The following SNX7 variants were observed in gnomAD, a reference collection of about 807,000 sequenced individuals.
SNX7 encodes the protein sorting nexin 7.
SNX7 carries 35 observed loss-of-function variants against 48.4 expected under a neutral mutation model. That is an observed-to-expected ratio of 0.72 (90% CI 0.55 to 0.96). The LOEUF (loss-of-function observed/expected upper bound fraction) is 0.96. Among genes scored for constraint, SNX7 ranks in the 40% least tolerant of loss-of-function variants. The probability of loss-of-function intolerance (pLI) is 0.00; values close to 1 mark genes in which losing one functional copy is unlikely to be tolerated. For synonymous variants in SNX7, 190 were observed against 190.2 expected (o/e 1.00, Z 0.01); for missense variants, 553 against 548.9 (o/e 1.01, Z -0.07).
intron 1 of SNX7, among the ~76,000 whole-genome samples, chr1:98,675,371 A>G (rs777733995): frequency 3.3e-5 from 5 of 152,160 alleles, no homozygotes; most frequent in South Asian, 4.1e-4. Flanking sequence ...GATTCATAGT[A>G]ATTTAAATCC....
At chr1:98,755,236 G>A (rs960645157) in intron 8 of SNX7, among the ~76,000 whole-genome samples, 2 of 151,970 alleles carry the variant, frequency 1.3e-5, no homozygotes, top group South Asian at 2.1e-4. Flanking sequence ...ATCCATATTG[G>A]TAAATGTTTT....
chr1:98,734,288 T>C (rs1215960141), intron 7 of SNX7, among the ~76,000 whole-genome samples: 2 of 152,182 alleles, frequency 1.3e-5, no homozygotes, highest in Non-Finnish European at 2.9e-5. Flanking sequence ...CTACTTTTTA[T>C]TATAGCCTTT....
chr1:98,742,648 A>G (rs992105393), intron 8 of SNX7, among the ~76,000 whole-genome samples: 4 of 152,090 alleles, frequency 2.6e-5, no homozygotes, highest in Non-Finnish European at 5.9e-5. Flanking sequence ...ATACAGGCTC[A>G]CTGAAAACAA....
intron 7 of SNX7, among the ~76,000 whole-genome samples, chr1:98,704,717 TCAGA>T (rs1387368440): frequency 2.6e-5 from 4 of 152,100 alleles, no homozygotes; most frequent in African/African-American, 9.7e-5. Context: ...CCATGGCAAC[TCAGA>T]CAGGGCCATT....
intron 8 of SNX7, among the ~76,000 whole-genome samples, chr1:98,746,883 A>G (rs189060174): frequency 1.3e-5 from 2 of 152,216 alleles, no homozygotes; most frequent in African/African-American, 4.8e-5. Context: ...TTCTGCAGGA[A>G]TCTTTATATT....
intron 7 of SNX7, among the ~76,000 whole-genome samples, chr1:98,707,171 G>A (rs573481306): frequency 5.9e-5 from 9 of 152,250 alleles, no homozygotes; most frequent in Admixed American, 4.6e-4. Context: ...AGGAGGAGAA[G>A]GGAAAGAATT....
chr1:98,746,548 C>T (rs1400376544), intron 8 of SNX7, among the ~76,000 whole-genome samples: 1 of 152,034 alleles, frequency 6.6e-6, no homozygotes, highest in African/African-American at 2.4e-5. Context: ...CTGAAATGTT[C>T]TCTAGAAAAC....
At chr1:98,690,776 AG>A (rs1651077834) in intron 2 of SNX7, among the ~76,000 whole-genome samples, 1 of 152,234 alleles carries the variant, frequency 6.6e-6, no homozygotes, top group African/African-American at 2.4e-5. Context: ...CAAAGATAAT[AG>A]TAGTTAAAAT....
intron 7 of SNX7, among the ~76,000 whole-genome samples, chr1:98,707,797 A>G (rs184628424): frequency 6.6e-6 from 1 of 152,340 alleles, no homozygotes; most frequent in Admixed American, 6.5e-5. Flanking sequence ...AGATCATCAT[A>G]GTCTGGAATT....
At chr1:98,661,558 G>C (rs188076447), upstream of SNX7, 1 of 484,800 alleles carries the variant, frequency 2.1e-6, no homozygotes, top group East Asian at 5.1e-5. Context: ...GGCCAGGTGG[G>C]GATGCGCCCG....
intron 7 of SNX7, among the ~76,000 whole-genome samples, chr1:98,738,034 A>T (rs1358156546): frequency 1.3e-5 from 2 of 152,114 alleles, no homozygotes; most frequent in African/African-American, 4.8e-5. Flanking sequence ...CAACCATAGA[A>T]CTGTACTCTA....
chr1:98,687,815 G>A (rs1650888687), intron 2 of SNX7, among the ~76,000 whole-genome samples: 1 of 152,106 alleles, frequency 6.6e-6, no homozygotes, highest in South Asian at 2.1e-4. Flanking sequence ...CAGAAAGCAA[G>A]GGGGAAGCAA....
At chr1:98,730,406 C>T (rs1044727669) in intron 7 of SNX7, among the ~76,000 whole-genome samples, 22 of 152,020 alleles carry the variant, frequency 1.4e-4, no homozygotes, top group Non-Finnish European at 2.4e-4. Flanking sequence ...AAGTTCTGGC[C>T]GGGGCAGTCA....
At chr1:98,667,004 C>T (rs1013688340) in intron 1 of SNX7, among the ~76,000 whole-genome samples, 2 of 152,224 alleles carry the variant, frequency 1.3e-5, no homozygotes, top group Admixed American at 1.3e-4. Flanking sequence ...CTCCAGCATT[C>T]ATGTGCCCTC....
chr1:98,749,821 G>A (rs1323789298), intron 8 of SNX7, among the ~76,000 whole-genome samples: 2 of 152,010 alleles, frequency 1.3e-5, no homozygotes, highest in African/African-American at 4.8e-5. Flanking sequence ...TGGTGCTATT[G>A]GCCTAGTATA....
In SNX7 at chr1:98,760,195, T is replaced by C; in HGVS notation, c.*64T>C. ...ATTTATTAACCAAAGTTATTCTTTC[T>C]GGATCTGCCGTGTCCTTATAAAGTG... is the stretch of plus-strand genomic sequence containing the variant. On this transcript the variant is annotated 3_prime_UTR_variant, in exon 9 of 9. Transcript: ENST00000306121. 1 of 1,275,792 alleles carries C rather than the reference T, an allele frequency of 7.8e-7. No homozygotes were observed. Among genetic ancestry groups the C allele is most frequent in the East Asian group, 2.3e-5 (1 of 42,966 alleles). The allele number at this position is 1,275,792 out of a possible 1,614,324, so 79.0% of individuals were successfully genotyped here. A position where few individuals can be genotyped will look rare whatever the true frequency, so the allele number is the denominator to read the frequency against.
At chr1:98,691,729 TC>T in intron 4 of SNX7, 30 bp downstream of exon 4, 1 of 1,521,108 alleles carries the variant, frequency 6.6e-7, no homozygotes, top group Non-Finnish European at 8.9e-7. Flanking sequence ...ACTCATATAA[TC>T]TTTGGGTGTC....
chr1:98,717,492 CT>C (rs1371318457), intron 7 of SNX7, among the ~76,000 whole-genome samples: 1 of 152,272 alleles, frequency 6.6e-6, no homozygotes, highest in East Asian at 1.9e-4. Context: ...TAGCCTACTA[CT>C]GCTTTACCCG....
chr1:98,708,451 C>G (rs1652128127), intron 7 of SNX7, among the ~76,000 whole-genome samples: 1 of 152,156 alleles, frequency 6.6e-6, no homozygotes, highest in Non-Finnish European at 1.5e-5. Flanking sequence ...AGCTACAATA[C>G]ACACCCAGTT....
Sources: allele counts gnomAD v4.1 joint callset (sites outside exome capture counted in the v4.1 genomes callset), GRCh38; gene constraint gnomAD v4.1.1; transcripts MANE v1.5; gene names NCBI Gene and HGNC (gene_info 2026-07-23, HGNC 2026-07-21).